The following PALB2 variants were observed in gnomAD, a reference collection of about 807,000 sequenced individuals.
PALB2 encodes the protein partner and localizer of BRCA2.
Under a neutral mutation model 107.4 loss-of-function variants are expected in PALB2, and 82 were observed. That is an observed-to-expected ratio of 0.76 (90% confidence interval 0.64 to 0.92). The LOEUF is 0.92. PALB2 is among the 40% of genes least tolerant of loss of function. The pLI is 0.00. For synonymous variants in PALB2, 489 were observed against 496.8 expected (o/e 0.98, Z 0.21); for missense variants, 1,374 against 1,379.9 (o/e 1.00, Z 0.07).
rs761533286 is a variant in PALB2 at position 23,638,094 on chromosome 16, G to A, written c.84C>T (p.Tyr28=). ...CCTGAAGGCGGGCTAGTGTCTTGCT[G>A]TATTCCCTTTTCAAGAATGCTAATT... The part of the protein sequence containing the change: ...KEKLAFLKRE[Y]SKTLARLQRA... The change falls in exon 2 of 13, where the codon TAC becomes TAT. Residue 28 remains tyrosine, a synonymous_variant. Coordinates refer to ENST00000261584, the MANE Select transcript of PALB2 (RefSeq NM_024675.4). 29 of 1,613,882 alleles carry A rather than the reference G, an allele frequency of 1.8e-5. No homozygotes were observed. Among genetic ancestry groups the A allele is most frequent in the East Asian group, 2.2e-5 (1 of 44,896 alleles).
Position 23,629,218 on chromosome 16 carries a change from C to A in PALB2, c.2572G>T (p.Val858Phe). ...ATTCTTCTGACCTTTAACTCTGAAACCAATTGTAGGTTGCCTGGGTTTATG... is the reference window on the plus strand; with the variant it reads ...ATTCTTCTGACCTTTAACTCTGAAAACAATTGTAGGTTGCCTGGGTTTATG... ...DSINPGNLQL[V>F]SELKNPSGSC... Residue 858 changes from valine to phenylalanine, a missense_variant, in exon 6 of 13, where the codon GTT becomes TTT. Coordinates refer to ENST00000261584, the MANE Select transcript of PALB2 (RefSeq NM_024675.4). 1 of 1,613,240 alleles carries A rather than the reference C, an allele frequency of 6.2e-7. No homozygotes were observed. Among genetic ancestry groups the A allele is most frequent in the Non-Finnish European group, 8.5e-7 (1 of 1,179,510 alleles).
At chr16:23,633,595 C>G (rs1043407442) in intron 4 of PALB2, among the ~76,000 whole-genome samples, 7 of 152,208 alleles carry the variant, frequency 4.6e-5, no homozygotes, top group African/African-American at 1.4e-4. Context: ...CTCCAAAATT[C>G]TGTGTCCCTT....
rs180177115 is a variant in PALB2, at chr16:23,629,231, G to A, written c.2559C>T (p.Gly853=). 3 of 1,613,620 alleles carry A rather than the reference G, an allele frequency of 1.9e-6. No homozygotes were observed. Among genetic ancestry groups the A allele is most frequent in the Non-Finnish European group, 2.5e-6 (3 of 1,179,844 alleles). ...TTAACTCTGAAACCAATTGTAGGTT[G>A]CCTGGGTTTATGCTATCAGAAGCAG... ...ELPASDSINP[G]NLQLVSELKN... is the part of the protein sequence containing the mutation. Residue 853 remains glycine (G), a synonymous_variant, in exon 6 of 13, where the codon GGC becomes GGT. Transcript: ENST00000261584.
At chr16:23,612,229 T>C (rs1276159654) in intron 11 of PALB2, among the ~76,000 whole-genome samples, 1 of 152,166 alleles carries the variant, frequency 6.6e-6, no homozygotes, top group East Asian at 1.9e-4. Flanking sequence ...TATTTATTTA[T>C]TTATTTATTT....
At chr16:23,613,629 A>G (rs972044212) in intron 11 of PALB2, among the ~76,000 whole-genome samples, 2 of 151,640 alleles carry the variant, frequency 1.3e-5, no homozygotes, top group African/African-American at 2.4e-5. Context: ...GGGCAACAAG[A>G]GCAAAACTCC....
Position 23,608,021 on chromosome 16 carries a change from G to A in PALB2, c.3202-9C>T, listed in dbSNP as rs757444247. ...ACAATAAAGAGAAGCCCCTAATTTC[G>A]GAGAAAAATAAATATCCCAAATAGA... On this transcript the variant is annotated splice_polypyrimidine_tract_variant and intron_variant, in intron 11 of 12. Transcript: ENST00000261584. The A allele has an allele frequency of 2.3e-5, 37 of 1,612,706 alleles. No homozygotes were observed. Among genetic ancestry groups the A allele is most frequent in the South Asian group, 1.4e-4 (13 of 91,042 alleles).
chr16:23,604,455 G>C (rs1966425510), intron 12 of PALB2, among the ~76,000 whole-genome samples: 1 of 152,252 alleles, frequency 6.6e-6, no homozygotes, highest in African/African-American at 2.4e-5. Context: ...CTGGCACACA[G>C]GAGGTGCTCA....
At chr16:23,627,693 A>G (rs111686261) in intron 6 of PALB2, among the ~76,000 whole-genome samples, 5,079 of 152,220 alleles carry the variant, frequency 0.033, 118 homozygotes, top group Middle Eastern at 0.088. Context: ...AAACCAAACA[A>G]CAACAACAAA....
chr16:23,634,722 A>G lies in PALB2; in HGVS notation c.1684+140T>C, dbSNP rs1294854311. 1.3e-5 allele frequency: 14 copies of G among 1,095,656 alleles called. 1 individual carries two copies. The highest frequency in any genetic ancestry group is 3.0e-4 in the Middle Eastern group (1 of 3,358). The allele number at this position is 1,095,656 out of a possible 1,614,324, so 67.9% of individuals were successfully genotyped here. A position where few individuals can be genotyped will look rare whatever the true frequency, so the allele number is the denominator to read the frequency against. ...GTCTCACTCTGTTCCTCAGCCTCCC[A>G]AAGTGCTGGGATTACAGACGTAAGC... On this transcript the variant is annotated intron_variant, in intron 4 of 12. Coordinates refer to ENST00000261584, the MANE Select transcript of PALB2 (RefSeq NM_024675.4).
intron 7 of PALB2, 46 bp downstream of exon 7, chr16:23,626,190 G>T: frequency 6.2e-7 from 1 of 1,612,284 alleles, no homozygotes; most frequent in South Asian, 1.1e-5. Context: ...TACATTATCA[G>T]GCAAATGGCT....
Position 23,641,240 on chromosome 16 carries a change from G to T in PALB2, c.-83C>A. 1 of 1,544,510 alleles carries T rather than the reference G, an allele frequency of 6.5e-7. No homozygotes were observed. Among genetic ancestry groups the T allele is most frequent in the Non-Finnish European group, 8.8e-7 (1 of 1,134,718 alleles). On this transcript the variant is annotated 5_prime_UTR_variant, in exon 1 of 13. Coordinates refer to ENST00000261584, the MANE Select transcript of PALB2 (RefSeq NM_024675.4). The stretch of plus-strand genomic sequence containing the variant: ...GGGACCCAGTTGGCCCTGGGCCGGG[G>T]AGGCGCCCCAGGAAGGAATGGGGAG...
intron 10 of PALB2, among the ~76,000 whole-genome samples, chr16:23,618,838 A>G (rs961535183): frequency 3.3e-5 from 5 of 152,202 alleles, no homozygotes; most frequent in Admixed American, 1.3e-4. Flanking sequence ...CCATCCTCAA[A>G]TAACACCCCT....
rs1417060550 is a variant in PALB2 at position 23,624,239 on chromosome 16, T to G, written c.2749-145A>C. The G allele has an allele frequency of 1.1e-5, 7 of 664,952 alleles. No homozygotes were observed. The African/African-American group carries it at 1.3e-4, about 12-fold the overall frequency. 41.2% of individuals were successfully genotyped at this position (664,952 alleles called of 1,614,324 possible). ...TTGAAGGCTCAGAAAACTCTTTTTA[T>G]TAGCTGTAAATCTAAATAAACTATA... On this transcript the variant is annotated intron_variant, in intron 7 of 12. Transcript: ENST00000261584.
chr16:23,638,226 G>C, intron 1 of PALB2, 97 bp from the exon 2 acceptor site: 1 of 918,940 alleles, frequency 1.1e-6, no homozygotes, highest in Non-Finnish European at 1.8e-6. Context: ...GCAAGAGGCA[G>C]GGAGTAGCAC....
intron 12 of PALB2, among the ~76,000 whole-genome samples, chr16:23,604,658 C>T (rs1966431911): frequency 6.6e-6 from 1 of 151,082 alleles, no homozygotes; most frequent in African/African-American, 2.4e-5. Context: ...CCCAGCTACT[C>T]GGGAGGCTGA....
chr16:23,617,344 C>G (rs1966701525), intron 10 of PALB2, among the ~76,000 whole-genome samples: 1 of 151,926 alleles, frequency 6.6e-6, no homozygotes, highest in South Asian at 2.1e-4. Context: ...CTAAGGCAGG[C>G]ACCAAGAATA....
chr16:23,607,748 T>C, intron 12 of PALB2, 116 bp downstream of exon 12: 1 of 1,189,600 alleles, frequency 8.4e-7, no homozygotes, highest in Non-Finnish European at 1.2e-6. Flanking sequence ...CCTATCATGA[T>C]ATATAGTATT....
At chr16:23,617,624 A>T (rs1160824425) in intron 10 of PALB2, 3 of 151,832 alleles carry the variant, frequency 2.0e-5, no homozygotes, top group Non-Finnish European at 4.4e-5. Flanking sequence ...ATGCATCTGT[A>T]GTCCTGCTAC....
intron 4 of PALB2, among the ~76,000 whole-genome samples, chr16:23,630,703 A>T (rs1966869393): frequency 6.6e-6 from 1 of 152,216 alleles, no homozygotes; most frequent in African/African-American, 2.4e-5. Flanking sequence ...CAAATATACT[A>T]AAAAATGTTC....
Sources: allele counts gnomAD v4.1 joint callset (sites outside exome capture counted in the v4.1 genomes callset), GRCh38; gene constraint gnomAD v4.1.1; transcripts MANE v1.5; gene names NCBI Gene and HGNC (gene_info 2026-07-23, HGNC 2026-07-21).